Variants in KCNMA1 observed in about 807,000 individuals in gnomAD.
The protein encoded by KCNMA1 is Calcium-activated potassium channel subunit alpha-1.
Under a neutral mutation model 140.0 loss-of-function variants are expected in KCNMA1, and 29 were observed. The ratio of observed to expected loss-of-function variants is 0.21; its 90% CI spans 0.15 to 0.28. KCNMA1 has a LOEUF of 0.28. Ranked by LOEUF, KCNMA1 falls within the 10% of genes least tolerant of loss-of-function variation. The pLI is 1.00. For missense variants in KCNMA1, 880 were observed against 1,602.2 expected, an observed-to-expected ratio of 0.55 and a Z score of 7.70; for synonymous variants, 612 against 611.9, an observed-to-expected ratio of 1.00 and a Z score of 0.00.
intron 1 of KCNMA1, among the ~76,000 whole-genome samples, chr10:77,548,285 C>T (rs774092738): frequency 6.6e-6 from 1 of 152,200 alleles, no homozygotes; most frequent in African/African-American, 2.4e-5. Context: ...AACCAACATG[C>T]CTGGTGCAAT....
intron 1 of KCNMA1, chr10:77,636,665 T>A: frequency 6.5e-7 from 1 of 1,535,020 alleles, no homozygotes; most frequent in South Asian, 1.2e-5. Context: ...GGGATGGATC[T>A]CCCCAACTTC....
intron 23 of KCNMA1, among the ~76,000 whole-genome samples, chr10:76,921,991 AC>A (rs1356388311): frequency 6.6e-6 from 1 of 152,150 alleles, no homozygotes; most frequent in African/African-American, 2.4e-5. Flanking sequence ...CCCAAAGGCC[AC>A]CCCAACAGGG....
At chr10:76,949,747 G>A (rs1433981866) in intron 21 of KCNMA1, among the ~76,000 whole-genome samples, 2 of 152,200 alleles carry the variant, frequency 1.3e-5, no homozygotes, top group Non-Finnish European at 2.9e-5. Context: ...CCATGAAATT[G>A]TTGATTAAAT....
At chr10:76,927,735 G>A (rs573053128) in intron 23 of KCNMA1, among the ~76,000 whole-genome samples, 25 of 152,198 alleles carry the variant, frequency 1.6e-4, no homozygotes, top group South Asian at 8.3e-4. Context: ...ACCACTTCGC[G>A]AAATCCTTGT....
At chr10:77,315,491 C>G (rs1236437154) in intron 2 of KCNMA1, 1 of 152,196 alleles carries the variant, frequency 6.6e-6, no homozygotes, top group Non-Finnish European at 1.5e-5. Context: ...GATTGAAAGT[C>G]AGAAGCAAAG....
chr10:77,109,836 A>T (rs980757985), intron 8 of KCNMA1, among the ~76,000 whole-genome samples: 2 of 152,218 alleles, frequency 1.3e-5, no homozygotes, highest in Non-Finnish European at 2.9e-5. Context: ...GGTGACAGCC[A>T]CTGTCCTTGT....
chr10:77,164,634 G>C (rs1225120828), intron 5 of KCNMA1, among the ~76,000 whole-genome samples: 1 of 151,754 alleles, frequency 6.6e-6, no homozygotes. Flanking sequence ...TCGCTATCTA[G>C]ACCCCAGGGA....
intron 1 of KCNMA1, among the ~76,000 whole-genome samples, chr10:77,484,998 T>C (rs550262859): frequency 2.4e-4 from 36 of 152,206 alleles, no homozygotes; most frequent in Non-Finnish European, 4.7e-4. Flanking sequence ...TTAAGCATCA[T>C]CTGCATTAAA....
At chr10:77,339,861 C>A (rs1945133154) in intron 2 of KCNMA1, among the ~76,000 whole-genome samples, 1 of 152,226 alleles carries the variant, frequency 6.6e-6, no homozygotes, top group Admixed American at 6.5e-5. Flanking sequence ...TCCCCCTTTT[C>A]TTTCTACCTT....
chr10:77,538,082 CAT>C (rs2059333324), intron 1 of KCNMA1, among the ~76,000 whole-genome samples: 1 of 151,648 alleles, frequency 6.6e-6, no homozygotes, highest in Middle Eastern at 3.4e-3. Context: ...CACACATCCA[CAT>C]ACTCTCACAT....
intron 5 of KCNMA1, among the ~76,000 whole-genome samples, chr10:77,146,479 T>C (rs568753693): frequency 8.5e-5 from 13 of 152,268 alleles, no homozygotes; most frequent in African/African-American, 9.6e-5. Context: ...GGCAGGCAGA[T>C]AGGTTGAGGC....
intron 1 of KCNMA1, among the ~76,000 whole-genome samples, chr10:77,466,213 C>T (rs888081490): frequency 1.3e-5 from 2 of 152,218 alleles, no homozygotes; most frequent in Non-Finnish European, 2.9e-5. Flanking sequence ...TCCCTCACTT[C>T]GCCTGGTCTC....
chr10:77,561,851 T>C (rs536106848), intron 1 of KCNMA1, among the ~76,000 whole-genome samples: 58 of 152,314 alleles, frequency 3.8e-4, no homozygotes, highest in African/African-American at 1.4e-3. Flanking sequence ...AGTTTTCCAA[T>C]ATGTTATCAA....
chr10:77,287,178 T>C (rs368951084), intron 2 of KCNMA1, among the ~76,000 whole-genome samples: 9 of 152,190 alleles, frequency 5.9e-5, no homozygotes, highest in African/African-American at 2.2e-4. Flanking sequence ...ATAAGATGAA[T>C]GGAAATGCAA....
chr10:77,286,055 C>T (rs1011111883), intron 2 of KCNMA1, among the ~76,000 whole-genome samples: 8 of 152,160 alleles, frequency 5.3e-5, no homozygotes, highest in Non-Finnish European at 1.2e-4. Flanking sequence ...TTATCTCTAT[C>T]ACTCATGTCC....
In KCNMA1 at chr10:77,636,979, C is replaced by T; in HGVS notation, c.378+286G>A. 2.1e-6 allele frequency: 3 copies of T among 1,410,864 alleles called. No individual in the cohort carries two copies. Among genetic ancestry groups the T allele is most frequent in the Non-Finnish European group, 2.7e-6 (3 of 1,091,214 alleles). 87.4% of individuals were successfully genotyped at this position (1,410,864 alleles called of 1,614,324 possible). A position where few individuals can be genotyped will look rare whatever the true frequency, so the allele number is the denominator to read the frequency against. On this transcript the variant is annotated intron_variant, in intron 1 of 27. Coordinates refer to ENST00000286628, the MANE Select transcript of KCNMA1 (RefSeq NM_001161352.2). ...CACCCGAGCCTGTGAGTCCCCGACC[C>T]CGGCCCCAGCCGCAGCCGCCAACAA...
In KCNMA1 at chr10:77,610,363, T is replaced by C. The variant is rs142058311; in HGVS notation, c.378+26902A>G. Among the ~76,000 whole-genome samples, 16 of 152,350 alleles carry C rather than the reference T, an allele frequency of 1.1e-4. No individual in the cohort carries two copies. The East Asian group carries it at 3.1e-3, about 29-fold the overall frequency. Reference sequence around the variant, plus strand: ...AGGGCTTCAGACAGTCCTTGGCACATAGAGGGTGCCGGAGAATCCAGAATG... The same window carrying C: ...AGGGCTTCAGACAGTCCTTGGCACACAGAGGGTGCCGGAGAATCCAGAATG... On this transcript the variant is annotated intron_variant, in intron 1 of 27. Coordinates refer to ENST00000286628, the MANE Select transcript of KCNMA1 (RefSeq NM_001161352.2).
At chr10:77,321,116 C>A (rs1016658945) in intron 2 of KCNMA1, among the ~76,000 whole-genome samples, 1 of 152,194 alleles carries the variant, frequency 6.6e-6, no homozygotes, top group Non-Finnish European at 1.5e-5. Flanking sequence ...TATATTTAAT[C>A]AAACAACTTC....
At chr10:77,626,290 CTT>C (rs1237578606) in intron 1 of KCNMA1, among the ~76,000 whole-genome samples, 1 of 151,962 alleles carries the variant, frequency 6.6e-6, no homozygotes, top group Non-Finnish European at 1.5e-5. Context: ...TTCCTATACT[CTT>C]CAAGAATCTA....
Sources: gnomAD v4.1 joint callset for allele counts (sites outside exome capture counted in the v4.1 genomes callset) on GRCh38, gnomAD v4.1.1 for gene constraint, MANE v1.5 for transcripts, NCBI Gene and HGNC (gene_info 2026-07-23, HGNC 2026-07-21) for gene names.